The following AP3D1 variants were observed in gnomAD, a reference collection of about 807,000 sequenced individuals.
The protein encoded by AP3D1 is adaptor related protein complex 3 subunit delta 1, also known as AP-3 complex subunit delta-1.
AP3D1 carries 51 observed loss-of-function variants against 147.6 expected under a neutral mutation model. The ratio of observed to expected loss-of-function variants is 0.35; its 90% CI spans 0.28 to 0.44. The LOEUF (loss-of-function observed/expected upper bound fraction) is 0.44. Among genes scored for constraint, AP3D1 ranks in the 20% least tolerant of loss-of-function variants. The pLI, the probability that AP3D1 is intolerant of heterozygous loss-of-function variation, is 1.00. For missense variants in AP3D1, 1,421 were observed against 1,624.2 expected, an observed-to-expected ratio of 0.87 and a Z score of 2.15; for synonymous variants, 760 against 663.0, an observed-to-expected ratio of 1.15 and a Z score of -2.25.
At chr19:2,126,670 A>AG (rs1333429064) in intron 9 of AP3D1, among the ~76,000 whole-genome samples, 3 of 151,054 alleles carry the variant, frequency 2.0e-5, no homozygotes, top group Non-Finnish European at 4.4e-5. Context: ...AAAAAAAAAA[A>AG]AGAAAGAAAA....
In AP3D1 at chr19:2,123,251, G is replaced by C; in HGVS notation, c.955+107C>G. The C allele has an allele frequency of 3.5e-6, 4 of 1,150,374 alleles. No individual in the cohort carries two copies. In the East Asian group the frequency reaches 9.5e-5, roughly 27 times the overall value. 71.3% of individuals were successfully genotyped at this position (1,150,374 alleles called of 1,614,324 possible). A position where few individuals can be genotyped will look rare whatever the true frequency, so the allele number is the denominator to read the frequency against. The stretch of plus-strand genomic sequence containing the variant: ...CAGAGTGCCATCCATCAGGGAGACA[G>C]CTGGGGTTGCAGATGCCGTGTCCAC... On this transcript the variant is annotated intron_variant, in intron 11 of 31. Transcript: ENST00000643116.
chr19:2,131,997 G>A (rs1045765572), intron 5 of AP3D1, among the ~76,000 whole-genome samples: 1 of 152,238 alleles, frequency 6.6e-6, no homozygotes, highest in African/African-American at 2.4e-5. Context: ...CTCATGAGCT[G>A]GAGGTTAAGT....
At chr19:2,152,644 G>A (rs1346330475), upstream of AP3D1, among the ~76,000 whole-genome samples, 1 of 151,726 alleles carries the variant, frequency 6.6e-6, no homozygotes, top group African/African-American at 2.4e-5. Context: ...TTGGGAGGCC[G>A]AGGCAGGTGG....
chr19:2,122,785 G>A (rs1488677403), intron 11 of AP3D1, among the ~76,000 whole-genome samples: 1 of 152,144 alleles, frequency 6.6e-6, no homozygotes, highest in Non-Finnish European at 1.5e-5. Context: ...CCACTATCTG[G>A]GCTGTTGCAG....
chr19:2,115,561 A>T lies in AP3D1; in HGVS notation c.2126T>A (p.Leu709His). 6.2e-7 allele frequency: 1 copy of T among 1,613,160 alleles called. No homozygotes were observed. Among genetic ancestry groups the T allele is most frequent in the Non-Finnish European group, 8.5e-7 (1 of 1,179,846 alleles). ...GCCTGGAACCTTCAAGGGGACGGAG[A>T]GGTCAATCTGCACCACGGGAATGTG... ...VEHIPVVQID[L>H]SVPLKVPGLP... Residue 709 changes from leucine (L) to histidine (H), a missense_variant, in exon 19 of 32, where the codon CTC becomes CAC. By Grantham distance (99) the Leu-to-His change is moderately conservative (BLOSUM62 -3). This residue lies in a region of AP3D1 where 791 missense variants were observed against 761.4 expected (regional missense o/e 1.04). Transcript: ENST00000643116.
chr19:2,155,777 G>A (rs1198785231), upstream of AP3D1, among the ~76,000 whole-genome samples: 2 of 152,134 alleles, frequency 1.3e-5, no homozygotes, highest in Admixed American at 1.3e-4. Flanking sequence ...AATGGGCCGG[G>A]CGCGGTGGCT....
intron 4 of AP3D1, among the ~76,000 whole-genome samples, chr19:2,133,865 T>C (rs1010932257): frequency 9.2e-5 from 14 of 151,526 alleles, no homozygotes; most frequent in African/African-American, 3.4e-4. Flanking sequence ...ATCCCAGCAC[T>C]TTGGGAGTCT....
chr19:2,133,965 G>A (rs781454691), intron 4 of AP3D1, among the ~76,000 whole-genome samples: 7 of 151,834 alleles, frequency 4.6e-5, no homozygotes, highest in African/African-American at 1.4e-4. Flanking sequence ...AAAATTAGTC[G>A]GACACGGTGG....
intron 4 of AP3D1, among the ~76,000 whole-genome samples, chr19:2,132,941 C>T (rs932486943): frequency 4.6e-5 from 7 of 152,302 alleles, no homozygotes; most frequent in African/African-American, 1.7e-4. Flanking sequence ...GAGGCACAGG[C>T]TGAAGCACTC....
rs1450260239 is a variant in AP3D1 at position 2,156,632 on chromosome 19, T to C, written c.-103+7724A>G. ...TTGGGAGGTTGAGGCGGGTGGATCA[T>C]GGGGTCAGGAGATCGAGACCATCCT... On this transcript the variant is annotated intron_variant, in intron 1 of 14. Transcript: ENST00000643010. Among the ~76,000 whole-genome samples, 11 of 151,322 alleles carry C rather than the reference T, an allele frequency of 7.3e-5. No homozygotes were observed. The South Asian group carries it at 1.0e-3, about 14-fold the overall frequency.
chr19:2,129,116 G>C lies in AP3D1; in HGVS notation c.780C>G (p.Ile260Met). The C allele has an allele frequency of 1.3e-6, 2 of 1,593,076 alleles. No homozygotes were observed. Among genetic ancestry groups the C allele is most frequent in the African/African-American group, 1.3e-5 (1 of 74,802 alleles). Residue 260 changes from isoleucine (I) to methionine (M), a missense_variant, in exon 8 of 32, where the codon ATC becomes ATG. Around this residue, in one of 6 missense-constraint regions of AP3D1, gnomAD observed 292 missense variants for 412.0 expected, o/e 0.71. Transcript: ENST00000643116. The stretch of plus-strand genomic sequence containing the variant: ...TGTGGATGAGATTGGTGAGGGGCTC[G>C]ATCAGCTTCTTGCCCAGCCGCGGTT... ...PLEPRLGKKL[I>M]EPLTNLIHST...
chr19:2,101,872 TTCAA>T lies in AP3D1; in HGVS notation c.*297_*300del. 1 of 372,124 alleles carries T rather than the reference TTCAA, an allele frequency of 2.7e-6. No individual in the cohort carries two copies. Among genetic ancestry groups the T allele is most frequent in the South Asian group, 2.8e-5 (1 of 36,122 alleles). The allele number at this position is 372,124 out of a possible 1,614,324, so 23.1% of individuals were successfully genotyped here. On this transcript the variant is annotated 3_prime_UTR_variant, in exon 32 of 32. Transcript: ENST00000643116. Reference sequence around the variant, plus strand: ...CAGGACAGGAGCCCCTGAAGCCACATTCAAGGACTCGGCCCCCAGCGCGGGGCAG... The same window carrying T: ...CAGGACAGGAGCCCCTGAAGCCACATGGACTCGGCCCCCAGCGCGGGGCAG...
chr19:2,145,682 A>G (rs1337710143), intron 1 of AP3D1, among the ~76,000 whole-genome samples: 1 of 152,132 alleles, frequency 6.6e-6, no homozygotes, highest in Non-Finnish European at 1.5e-5. Flanking sequence ...ATCACCCAGA[A>G]GCTGGTTACA....
In AP3D1 at chr19:2,109,150, G is replaced by C. The variant is rs369844485; in HGVS notation, c.3408C>G (p.Val1136=). The change falls in exon 30 of 32, where the codon GTC becomes GTG. Residue 1136 remains valine (V), a synonymous_variant. Transcript: ENST00000643116. ...SGDLSMSSIK[V]DGIRMSFQNL... ...TCTGGAAGGACATCCGAATGCCATC[G>C]ACTTTGATTGAGCTCATGCTCAAGT... 2 of 1,610,110 alleles carry C rather than the reference G, an allele frequency of 1.2e-6. No homozygotes were observed. The highest frequency in any genetic ancestry group is 1.7e-6 in the Non-Finnish European group (2 of 1,178,850).
intron 1 of AP3D1, among the ~76,000 whole-genome samples, chr19:2,162,036 T>G (rs1217327198): frequency 2.0e-5 from 3 of 146,978 alleles, no homozygotes; most frequent in East Asian, 4.0e-4. Flanking sequence ...CCATTGAGTT[T>G]TTTTTTTTTT....
rs35577553 is a variant in AP3D1, at chr19:2,137,695, AC to A, written c.273+31del. The A allele has an allele frequency of 0.034, 54,316 of 1,596,898 alleles. 2,335 individuals carry two copies. Among genetic ancestry groups the A allele is most frequent in the East Asian group, 0.18 (8,065 of 44,752 alleles). On this transcript the variant is annotated intron_variant, in intron 3 of 31. Transcript: ENST00000643116. ...TGCCTCACACCTGTAATCACTCCCC[AC>A]CCCACCAGCCTTGCCGTCCCAGAAC...
intron 17 of AP3D1, 103 bp from the exon 18 acceptor site, chr19:2,116,381 T>G: frequency 7.5e-7 from 1 of 1,336,216 alleles, no homozygotes; most frequent in Non-Finnish European, 1.0e-6. Context: ...GATCTCTGGC[T>G]ATTTTCACTA....
At chr19:2,111,991 G>A in intron 24 of AP3D1, 163 bp from the exon 25 acceptor site, 1 of 1,117,856 alleles carries the variant, frequency 8.9e-7, no homozygotes, top group Non-Finnish European at 1.3e-6. Context: ...GACAAGCTCA[G>A]GCCAGACCAG....
chr19:2,128,192 C>T (rs1041037266), intron 8 of AP3D1, among the ~76,000 whole-genome samples: 1 of 152,130 alleles, frequency 6.6e-6, no homozygotes, highest in Non-Finnish European at 1.5e-5. Flanking sequence ...ATTAAAGTGT[C>T]CCCTTCTAGC....
Sources: gnomAD v4.1 joint callset for allele counts (sites outside exome capture counted in the v4.1 genomes callset) on GRCh38, gnomAD v4.1.1 for gene constraint, gnomAD v4.1.1 regional missense constraint, MANE v1.5 for transcripts, NCBI Gene and HGNC (gene_info 2026-07-23, HGNC 2026-07-21) for gene names.